ATF2: variants seen among roughly 807,000 people sequenced by gnomAD.
ATF2 encodes the protein activating transcription factor 2.
In ATF2, 24 loss-of-function variants were observed where a neutral mutation model predicts 60.6. The ratio of observed to expected loss-of-function variants is 0.40; its 90% CI spans 0.29 to 0.56. The LOEUF (loss-of-function observed/expected upper bound fraction) is 0.56. Ranked by LOEUF, ATF2 falls within the 20% of genes least tolerant of loss-of-function variation. The pLI is 0.54. For missense variants in ATF2, 433 were observed against 607.7 expected (o/e 0.71, Z 3.02); for synonymous variants, 206 against 215.4 (o/e 0.96, Z 0.38).
chr2:175,148,493 C>G (rs879891274), intron 2 of ATF2, among the ~76,000 whole-genome samples: 4 of 152,150 alleles, frequency 2.6e-5, no homozygotes, highest in Non-Finnish European at 4.4e-5. Context: ...CCCCAACCAA[C>G]AGACCCTTCC....
At chr2:175,163,148 T>C (rs1224741753) in intron 1 of ATF2, among the ~76,000 whole-genome samples, 1 of 23,756 alleles carries the variant, frequency 4.2e-5, no homozygotes, top group African/African-American at 1.2e-4. Flanking sequence ...AATAAATAAA[T>C]AAATAAATAA....
chr2:175,146,940 A>G (rs1699002491), intron 2 of ATF2, among the ~76,000 whole-genome samples: 1 of 152,202 alleles, frequency 6.6e-6, no homozygotes, highest in Admixed American at 6.5e-5. Flanking sequence ...TTGTAGCAGT[A>G]GTCATGAAAA....
intron 13 of ATF2, among the ~76,000 whole-genome samples, chr2:175,076,118 G>C (rs998990695): frequency 6.6e-6 from 1 of 152,090 alleles, no homozygotes; most frequent in Non-Finnish European, 1.5e-5. Context: ...AGATGGAGAG[G>C]GGGATACCTG....
At chr2:175,097,784 CAT>C (rs2105610160) in intron 10 of ATF2, among the ~76,000 whole-genome samples, 191 bp from the exon 11 acceptor site, 1 of 152,224 alleles carries the variant, frequency 6.6e-6, no homozygotes, top group Non-Finnish European at 1.5e-5. Flanking sequence ...AATGTAACAT[CAT>C]GTCATTGTCC....
intron 10 of ATF2, among the ~76,000 whole-genome samples, chr2:175,105,686 T>C (rs1032994947): frequency 6.6e-6 from 1 of 152,218 alleles, no homozygotes; most frequent in African/African-American, 2.4e-5. Flanking sequence ...TTCAGGTTAC[T>C]GTACCAGCAT....
intron 4 of ATF2, among the ~76,000 whole-genome samples, chr2:175,124,731 T>C (rs921070085): frequency 4.6e-5 from 7 of 151,876 alleles, no homozygotes; most frequent in African/African-American, 1.7e-4. Flanking sequence ...AAATATAAAA[T>C]GAATCTTTAT....
chr2:175,102,421 A>C (rs1223931611), intron 10 of ATF2, among the ~76,000 whole-genome samples: 1 of 152,210 alleles, frequency 6.6e-6, no homozygotes, highest in Non-Finnish European at 1.5e-5. Flanking sequence ...GACAAATTTA[A>C]TATATGTAAA....
At chr2:175,122,182 T>C (rs1697004993) in intron 4 of ATF2, among the ~76,000 whole-genome samples, 2 of 151,952 alleles carry the variant, frequency 1.3e-5, no homozygotes, top group South Asian at 2.1e-4. Flanking sequence ...AGCAAAGTTG[T>C]TTTTAGAACA....
At chr2:175,120,606 A>G (rs1696888576) in intron 5 of ATF2, among the ~76,000 whole-genome samples, 4 of 151,704 alleles carry the variant, frequency 2.6e-5, no homozygotes, top group Admixed American at 2.6e-4. Flanking sequence ...TATATGACAT[A>G]TAACAAGCTT....
intron 2 of ATF2, among the ~76,000 whole-genome samples, chr2:175,147,026 T>C (rs1004127818): frequency 6.6e-6 from 1 of 152,174 alleles, no homozygotes. Flanking sequence ...ATGATATATA[T>C]CAAAGAATAG....
intron 1 of ATF2, among the ~76,000 whole-genome samples, chr2:175,153,706 T>C (rs181728644): frequency 1.2e-4 from 18 of 152,072 alleles, no homozygotes; most frequent in African/African-American, 4.3e-4. Flanking sequence ...GGCGGATGCC[T>C]GTAGTCCCAG....
chr2:175,086,194 A>C (rs1280699544), intron 12 of ATF2, among the ~76,000 whole-genome samples: 1 of 152,194 alleles, frequency 6.6e-6, no homozygotes, highest in Middle Eastern at 3.2e-3. Flanking sequence ...TGAAGCTCAA[A>C]AGTGACTTTT....
intron 2 of ATF2, among the ~76,000 whole-genome samples, chr2:175,141,030 A>AATATATATATATAT (rs1553513531): frequency 2.4e-3 from 90 of 37,592 alleles, no homozygotes; most frequent in African/African-American, 1.0e-2. Context: ...AAAAAAAAAA[A>AATATATATATATAT]ATATATATAT....
rs942144824 is a variant in ATF2, at chr2:175,074,495, TA to T, written c.*113del. ...CTTTAGAGCCAAATTTAATTTCAAG[TA>T]AAAAAAAAAAATTTACAACCACAGA... On this transcript the variant is annotated 3_prime_UTR_variant, in exon 14 of 14. Transcript: ENST00000264110. The T allele has an allele frequency of 0.11, 96,415 of 846,686 alleles. No individual in the cohort carries two copies. The highest frequency in any genetic ancestry group is 0.16 in the South Asian group (6,227 of 39,810). 52.4% of individuals were successfully genotyped at this position (846,686 alleles called of 1,614,324 possible). A position where few individuals can be genotyped will look rare whatever the true frequency, so the allele number is the denominator to read the frequency against.
intron 4 of ATF2, among the ~76,000 whole-genome samples, chr2:175,128,332 C>G (rs964157452): frequency 2.0e-5 from 3 of 152,110 alleles, no homozygotes; most frequent in Non-Finnish European, 4.4e-5. Context: ...GAAACCCCAT[C>G]TCTACTAAAA....
chr2:175,167,369 C>T (rs1700428701), intron 1 of ATF2, among the ~76,000 whole-genome samples: 1 of 152,056 alleles, frequency 6.6e-6, no homozygotes, highest in Non-Finnish European at 1.5e-5. Context: ...TGCACCCACA[C>T]CTAAGCCCCG....
At chr2:175,079,605 A>G (rs1693626326) in intron 13 of ATF2, among the ~76,000 whole-genome samples, 1 of 152,166 alleles carries the variant, frequency 6.6e-6, no homozygotes, top group Non-Finnish European at 1.5e-5. Context: ...ATGGCAATTG[A>G]GAGTAGCTAA....
intron 12 of ATF2, among the ~76,000 whole-genome samples, chr2:175,087,503 C>G (rs370471441): frequency 3.9e-4 from 60 of 152,282 alleles, no homozygotes; most frequent in African/African-American, 1.4e-3. Flanking sequence ...CTGAAATCAT[C>G]ACACGATAGC....
chr2:175,112,579 TAA>T (rs1010846956), intron 9 of ATF2, among the ~76,000 whole-genome samples: 2 of 152,176 alleles, frequency 1.3e-5, no homozygotes, highest in East Asian at 1.9e-4. Context: ...CTTTTAAAAA[TAA>T]GTTTTATTTT....
Sources: allele counts gnomAD v4.1 joint callset (sites outside exome capture counted in the v4.1 genomes callset), GRCh38; gene constraint gnomAD v4.1.1; transcripts MANE v1.5; gene names NCBI Gene and HGNC (gene_info 2026-07-23, HGNC 2026-07-21).